SCGB2A2: variants seen among roughly 807,000 people sequenced by gnomAD.
SCGB2A2 encodes mammaglobin-A.
Under a neutral mutation model 8.8 loss-of-function variants are expected in SCGB2A2, and 11 were observed. The ratio of observed to expected loss-of-function variants is 1.25; its 90% CI spans 0.79 to 2.07. SCGB2A2 has a LOEUF of 2.07. Among genes scored for constraint, SCGB2A2 ranks in the 30% most tolerant of loss-of-function variants. SCGB2A2 has a pLI of 0.00. For synonymous variants in SCGB2A2, 42 were observed against 40.9 expected (o/e 1.03, Z -0.10); for missense variants, 113 against 109.9 (o/e 1.03, Z -0.13).
intron 2 of SCGB2A2, among the ~76,000 whole-genome samples, chr11:62,272,570 G>A (rs1183109829): frequency 6.6e-6 from 1 of 151,832 alleles, no homozygotes. Flanking sequence ...CACAATGGTG[G>A]TGGCAGAGGG....
At chr11:62,270,328 A>G (rs561822807) in intron 1 of SCGB2A2, 57 bp downstream of exon 1, 93 of 1,484,106 alleles carry the variant, frequency 6.3e-5, no homozygotes, top group Middle Eastern at 1.7e-4. Flanking sequence ...TTGGGCCTCT[A>G]TGGAAGAACT....
Position 62,271,981 on chromosome 11 carries a change from T to G in SCGB2A2, c.243+913T>G, listed in dbSNP as rs1223122372. On this transcript the variant is annotated intron_variant, in intron 2 of 2. Transcript: ENST00000227918. Reference sequence around the variant, plus strand: ...TTTCTTTCTAACTATACATGTATATTGTTGAGGGTTTTCTTTAGCATTTAT... The same window carrying G: ...TTTCTTTCTAACTATACATGTATATGGTTGAGGGTTTTCTTTAGCATTTAT... The G allele has an allele frequency of 5.6e-6, 5 of 895,608 alleles. No homozygotes were observed. The East Asian group carries it at 6.0e-4, about 108-fold the overall frequency. 55.5% of individuals were successfully genotyped at this position (895,608 alleles called of 1,614,324 possible). A position where few individuals can be genotyped will look rare whatever the true frequency, so the allele number is the denominator to read the frequency against.
At chr11:62,272,775 A>T (rs11603171) in intron 2 of SCGB2A2, among the ~76,000 whole-genome samples, 182 bp from the exon 3 acceptor site, 2,482 of 151,162 alleles carry the variant, frequency 0.016, 17 homozygotes, top group Non-Finnish European at 0.025. Flanking sequence ...AAAAATATTT[A>T]AAAAGTCCAT....
intron 1 of SCGB2A2, among the ~76,000 whole-genome samples, chr11:62,270,490 C>A (rs1945268730): frequency 6.6e-6 from 1 of 152,154 alleles, no homozygotes; most frequent in Admixed American, 6.5e-5. Flanking sequence ...TAGGTGTGAG[C>A]CACCACACTT....
intron 2 of SCGB2A2, chr11:62,271,317 C>G: frequency 1.4e-6 from 2 of 1,442,612 alleles, no homozygotes; most frequent in South Asian, 3.0e-5. Context: ...AAGGAAAGGT[C>G]GGTAGAAGTC....
chr11:62,270,829 A>C, intron 1 of SCGB2A2, 52 bp from the exon 2 acceptor site: 2 of 1,445,604 alleles, frequency 1.4e-6, no homozygotes, highest in Non-Finnish European at 1.9e-6. Context: ...GGTCTGCCCC[A>C]AGCCTTTCAT....
rs563701159 is a variant in SCGB2A2 at position 62,271,552 on chromosome 11, CACAA to C, written c.243+488_243+491del. ...CAGCACACAATCATCCAGACACAAACACAAACACACAGACAGAACCACACAACCA... is the reference window on the plus strand; with the variant it reads ...CAGCACACAATCATCCAGACACAAACACACACAGACAGAACCACACAACCA... On this transcript the variant is annotated intron_variant, in intron 2 of 2. Coordinates refer to ENST00000227918, the MANE Select transcript of SCGB2A2 (RefSeq NM_002411.4). 322 of 1,104,024 alleles carry C rather than the reference CACAA, an allele frequency of 2.9e-4. 2 individuals are homozygous for C. The African/African-American group carries it at 4.8e-3, about 16-fold the overall frequency. 68.4% of individuals were successfully genotyped at this position (1,104,024 alleles called of 1,614,324 possible).
At chr11:62,270,462 C>A (rs546156056) in intron 1 of SCGB2A2, among the ~76,000 whole-genome samples, 191 bp downstream of exon 1, 1 of 152,292 alleles carries the variant, frequency 6.6e-6, no homozygotes, top group Admixed American at 6.5e-5. Flanking sequence ...ACCTCGGCCT[C>A]CCAAAGTGCT....
chr11:62,271,220 C>A, intron 2 of SCGB2A2, 152 bp downstream of exon 2: 1 of 1,524,258 alleles, frequency 6.6e-7, no homozygotes, highest in African/African-American at 1.4e-5. Flanking sequence ...ATGACTTTGC[C>A]ATCAAGAAAA....
rs1238237175 is a variant in SCGB2A2 at position 62,273,131 on chromosome 11, A to G, written c.*136A>G. ...AGACAATTGTTGAAACCTGCTATAC[A>G]TGTTTATTTTAATAAATTGATGGCA... On this transcript the variant is annotated 3_prime_UTR_variant, in exon 3 of 3. Coordinates refer to ENST00000227918, the MANE Select transcript of SCGB2A2 (RefSeq NM_002411.4). 1 of 574,010 alleles carries G rather than the reference A, an allele frequency of 1.7e-6. No individual in the cohort carries two copies. The allele number at this position is 574,010 out of a possible 1,614,324, so 35.6% of individuals were successfully genotyped here. A position where few individuals can be genotyped will look rare whatever the true frequency, so the allele number is the denominator to read the frequency against.
chr11:62,270,944 C>T lies in SCGB2A2; in HGVS notation c.119C>T (p.Thr40Ile). Reference sequence around the variant, plus strand: ...ACAATCAATCCACAAGTGTCTAAGACTGAATACAAAGAACTTCTTCAAGAG... The same window carrying T: ...ACAATCAATCCACAAGTGTCTAAGATTGAATACAAAGAACTTCTTCAAGAG... ...SKTINPQVSKTEYKELLQEFI... is the reference protein window; with the variant it reads ...SKTINPQVSKIEYKELLQEFI... Residue 40 changes from threonine to isoleucine, a missense_variant, in exon 2 of 3, where the codon ACT becomes ATT. Thr to Ile is a moderately conservative substitution (Grantham distance 89). Coordinates refer to ENST00000227918, the MANE Select transcript of SCGB2A2 (RefSeq NM_002411.4). 6.2e-7 allele frequency: 1 copy of T among 1,614,090 alleles called. No individual in the cohort carries two copies. Among genetic ancestry groups the T allele is most frequent in the Non-Finnish European group, 8.5e-7 (1 of 1,179,960 alleles).
intron 2 of SCGB2A2, chr11:62,271,398 C>CAT: frequency 7.0e-7 from 1 of 1,427,422 alleles, no homozygotes; most frequent in Non-Finnish European, 9.1e-7. Context: ...CAGAAACACA[C>CAT]ATACACACAT....
intron 2 of SCGB2A2, 139 bp downstream of exon 2, chr11:62,271,207 C>T: frequency 6.4e-7 from 1 of 1,550,756 alleles, no homozygotes; most frequent in African/African-American, 1.4e-5. Flanking sequence ...AATGGTTAGT[C>T]TAATGACTTT....
chr11:62,270,324 C>A, intron 1 of SCGB2A2, 53 bp downstream of exon 1: 3 of 1,540,682 alleles, frequency 1.9e-6, no homozygotes, highest in Non-Finnish European at 2.7e-6. Flanking sequence ...TCACTTGGGC[C>A]TCTATGGAAG....
At position 62,270,286 on chromosome 11, in the gene SCGB2A2, G is replaced by A. The variant is rs765765752; in HGVS notation, c.55+15G>A. On this transcript the variant is annotated intron_variant, in intron 1 of 2. Coordinates refer to ENST00000227918, the MANE Select transcript of SCGB2A2 (RefSeq NM_002411.4). ...CTGCTACGCAGGTGAGTTCTGTGCA[G>A]GGAGGGCTGCCTCGGGGTTAGGGGT... is the stretch of plus-strand genomic sequence containing the variant. 2.5e-5 allele frequency: 40 copies of A among 1,612,716 alleles called. No individual in the cohort carries two copies. In the Admixed American group the frequency reaches 6.5e-4, roughly 26 times the overall value.
At chr11:62,271,308 A>G in intron 2 of SCGB2A2, 2 of 1,444,028 alleles carry the variant, frequency 1.4e-6, no homozygotes, top group Non-Finnish European at 1.8e-6. Flanking sequence ...AGAGAGGAAA[A>G]GGAAAGGTCG....
chr11:62,271,397 AC>A, intron 2 of SCGB2A2: 1 of 1,427,622 alleles, frequency 7.0e-7, no homozygotes, highest in Non-Finnish European at 9.1e-7. Flanking sequence ...ACAGAAACAC[AC>A]ATACACACAT....
At chr11:62,272,093 G>A (rs1185282568) in intron 2 of SCGB2A2, 1 of 559,750 alleles carries the variant, frequency 1.8e-6, no homozygotes, top group Non-Finnish European at 2.2e-6. Flanking sequence ...CCTCCATTAG[G>A]ATGAAAGTGA....
intron 2 of SCGB2A2, 30 bp downstream of exon 2, chr11:62,271,098 T>A (rs1342998478): frequency 1.2e-6 from 2 of 1,613,666 alleles, no homozygotes; most frequent in Non-Finnish European, 1.7e-6. Context: ...ATAAGCTTTT[T>A]AAATCCCCTG....
Sources: gnomAD v4.1 joint callset for allele counts (sites outside exome capture counted in the v4.1 genomes callset) on GRCh38, gnomAD v4.1.1 for gene constraint, MANE v1.5 for transcripts, NCBI Gene and HGNC (gene_info 2026-07-23, HGNC 2026-07-21) for gene names.